Variants in RANBP2 observed in about 807,000 individuals in gnomAD.
RANBP2 encodes E3 SUMO-protein ligase RanBP2.
In RANBP2, 57 loss-of-function variants were observed where a neutral mutation model predicts 303.6. That is an observed-to-expected ratio of 0.19 (90% CI 0.15 to 0.23). The LOEUF (loss-of-function observed/expected upper bound fraction) is 0.23. Ranked by LOEUF, RANBP2 falls within the 10% of genes least tolerant of loss-of-function variation. The pLI, the probability that RANBP2 is intolerant of heterozygous loss-of-function variation, is 1.00. For missense variants in RANBP2, 3,138 were observed against 3,780.8 expected (o/e 0.83, Z 4.46); for synonymous variants, 1,167 against 1,301.5 (o/e 0.90, Z 2.23).
In RANBP2 at chr2:108,784,158, C is replaced by T. The variant is rs1464225410; in HGVS notation, c.*257C>T. Reference sequence around the variant, plus strand: ...CCTGACGTATTAAAATGGAATAATACTAATCTTGTTAAAAGCAATAGACCT... The same window carrying T: ...CCTGACGTATTAAAATGGAATAATATTAATCTTGTTAAAAGCAATAGACCT... On this transcript the variant is annotated 3_prime_UTR_variant, in exon 29 of 29. Transcript: ENST00000283195. 1 of 401,290 alleles carries T rather than the reference C, an allele frequency of 2.5e-6. No individual in the cohort carries two copies. Among genetic ancestry groups the T allele is most frequent in the East Asian group, 4.5e-5 (1 of 22,164 alleles). 24.9% of individuals were successfully genotyped at this position (401,290 alleles called of 1,614,324 possible).
the RANBP2 span, chr2:108,897,018 G>T: frequency 1.2e-6 from 2 of 1,614,044 alleles, no homozygotes; most frequent in Non-Finnish European, 1.7e-6. Flanking sequence ...CCAGTTTTGT[G>T]AGTAGCTCAG....
At chr2:109,615,069 G>A in the RANBP2 span, 1 of 1,549,284 alleles carries the variant, frequency 6.5e-7, no homozygotes, top group East Asian at 2.4e-5. Context: ...CTCCCTTGTG[G>A]GGGCTACCGC....
the RANBP2 span, among the ~76,000 whole-genome samples, chr2:109,209,459 G>T: frequency 1.3e-5 from 2 of 152,164 alleles, no homozygotes; most frequent in Non-Finnish European, 2.9e-5. Context: ...TGATGCCATG[G>T]GTTGGGAGAG....
chr2:108,796,113 A>G, the RANBP2 span, among the ~76,000 whole-genome samples: 6 of 152,122 alleles, frequency 3.9e-5, no homozygotes, highest in South Asian at 2.1e-4. Flanking sequence ...CAGTGGCGCA[A>G]TCTCGGCTCA....
At chr2:109,039,243 G>T in the RANBP2 span, among the ~76,000 whole-genome samples, 2 of 152,206 alleles carry the variant, frequency 1.3e-5, no homozygotes, top group Non-Finnish European at 2.9e-5. Context: ...GTGGATTTCA[G>T]ACTTGTCAGT....
At chr2:109,069,852 G>A in the RANBP2 span, among the ~76,000 whole-genome samples, 2 of 152,118 alleles carry the variant, frequency 1.3e-5, no homozygotes, top group African/African-American at 4.8e-5. Context: ...AGTGTTCTAT[G>A]TCCCAGGAAT....
chr2:109,614,176 A>G, the RANBP2 span: 1 of 1,168,062 alleles, frequency 8.6e-7, no homozygotes, highest in Admixed American at 4.5e-5. Flanking sequence ...ACTGCGGAGC[A>G]GTGATTGCGG....
the RANBP2 span, among the ~76,000 whole-genome samples, chr2:109,530,467 T>G: frequency 6.6e-6 from 1 of 152,144 alleles, no homozygotes; most frequent in Non-Finnish European, 1.5e-5. Flanking sequence ...AAAGCAAGGC[T>G]CAGAACAATA....
At chr2:109,239,552 A>G in the RANBP2 span, among the ~76,000 whole-genome samples, 1 of 152,234 alleles carries the variant, frequency 6.6e-6, no homozygotes, top group South Asian at 2.1e-4. Flanking sequence ...GATGAGGGAC[A>G]CGGGGTTAGT....
chr2:109,622,163 G>C, the RANBP2 span, among the ~76,000 whole-genome samples: 1 of 152,112 alleles, frequency 6.6e-6, no homozygotes, highest in African/African-American at 2.4e-5. Flanking sequence ...CCCCTTCCCT[G>C]ATTCTAGTAC....
the RANBP2 span, chr2:109,398,750 G>A: frequency 1.3e-5 from 21 of 1,613,454 alleles, no homozygotes; most frequent in East Asian, 2.2e-5. Flanking sequence ...TTTCAGCGGC[G>A]TGTGGATGGC....
the RANBP2 span, among the ~76,000 whole-genome samples, chr2:109,500,417 C>T: frequency 6.6e-6 from 1 of 152,140 alleles, no homozygotes; most frequent in Admixed American, 6.5e-5. Flanking sequence ...TGGGTCCCTG[C>T]AGGCGGAGGC....
chr2:109,371,484 G>A, the RANBP2 span: 2 of 879,740 alleles, frequency 2.3e-6, no homozygotes, highest in African/African-American at 3.3e-5. Context: ...CTCATTCCTT[G>A]GAATCTCTTC....
At chr2:109,604,372 G>GAGAAAGA in the RANBP2 span, among the ~76,000 whole-genome samples, 2 of 60,486 alleles carry the variant, frequency 3.3e-5, no homozygotes, top group African/African-American at 1.1e-4. Context: ...AGAAAGGAAA[G>GAGAAAGA]AAGGGAAGGG....
At chr2:109,027,376 C>T in the RANBP2 span, among the ~76,000 whole-genome samples, 1 of 151,910 alleles carries the variant, frequency 6.6e-6, no homozygotes, top group Non-Finnish European at 1.5e-5. Context: ...ACATCTTGTT[C>T]CTTTGTGGAG....
chr2:109,239,197 C>G, the RANBP2 span, among the ~76,000 whole-genome samples: 2 of 152,096 alleles, frequency 1.3e-5, no homozygotes, highest in Non-Finnish European at 2.9e-5. Context: ...GAGCCCTGCA[C>G]AGTGCTCCGA....
chr2:109,696,503 T>C, the RANBP2 span, among the ~76,000 whole-genome samples: 3 of 152,258 alleles, frequency 2.0e-5, no homozygotes, highest in African/African-American at 7.2e-5. Context: ...TTCTGTTCCG[T>C]TGATTTACAT....
At chr2:109,400,360 C>T in the RANBP2 span, among the ~76,000 whole-genome samples, 1 of 152,004 alleles carries the variant, frequency 6.6e-6, no homozygotes, top group Non-Finnish European at 1.5e-5. Context: ...ACATACACCG[C>T]CATCCACATG....
the RANBP2 span, among the ~76,000 whole-genome samples, chr2:109,386,286 G>A: frequency 6.6e-6 from 1 of 152,192 alleles, no homozygotes; most frequent in Admixed American, 6.5e-5. Context: ...CGTTAGAGAC[G>A]CATATGGAGC....
Sources: gnomAD v4.1 joint callset for allele counts (sites outside exome capture counted in the v4.1 genomes callset) on GRCh38, gnomAD v4.1.1 for gene constraint, MANE v1.5 for transcripts, NCBI Gene and HGNC (gene_info 2026-07-23, HGNC 2026-07-21) for gene names.